The following MED23 variants were observed in gnomAD, a reference collection of about 807,000 sequenced individuals.
The protein encoded by MED23 is mediator complex subunit 23.
Under a neutral mutation model 163.9 loss-of-function variants are expected in MED23, and 105 were observed. That is an observed-to-expected ratio of 0.64 (90% CI 0.55 to 0.75). MED23 has a LOEUF of 0.75. Ranked by LOEUF, MED23 falls within the 30% of genes least tolerant of loss-of-function variation. The pLI is 0.00. For missense variants in MED23, 1,054 were observed against 1,649.0 expected (o/e 0.64, Z 6.25); for synonymous variants, 561 against 565.6 (o/e 0.99, Z 0.12).
At chr6:131,596,400 C>A in intron 21 of MED23, 118 bp downstream of exon 21, 1 of 1,216,104 alleles carries the variant, frequency 8.2e-7, no homozygotes, top group East Asian at 2.4e-5. Flanking sequence ...AGCTAACTTA[C>A]TTCTATATAG....
intron 5 of MED23, among the ~76,000 whole-genome samples, chr6:131,623,064 G>A (rs1777225851): frequency 6.6e-6 from 1 of 152,138 alleles, no homozygotes; most frequent in African/African-American, 2.4e-5. Context: ...TTCATTTGAA[G>A]GGATCATAAT....
chr6:131,618,854 G>A (rs1776882981), intron 8 of MED23, among the ~76,000 whole-genome samples: 1 of 152,234 alleles, frequency 6.6e-6, no homozygotes, highest in African/African-American at 2.4e-5. Flanking sequence ...GCAGTCCAAT[G>A]GCAGAGCTGA....
intron 5 of MED23, 51 bp from the exon 6 acceptor site, chr6:131,622,030 T>C (rs767009251): frequency 3.2e-5 from 43 of 1,345,908 alleles, no homozygotes; most frequent in South Asian, 1.2e-5. Context: ...TCTACTGTGT[T>C]AGCTAAAACG....
intron 3 of MED23, among the ~76,000 whole-genome samples, chr6:131,626,202 G>C (rs929872076): frequency 2.6e-5 from 4 of 151,482 alleles, no homozygotes; most frequent in African/African-American, 9.7e-5. Context: ...AACCCTTATG[G>C]AAAATTTAAT....
chr6:131,625,076 T>C, intron 3 of MED23, 87 bp from the exon 4 acceptor site: 1 of 1,390,986 alleles, frequency 7.2e-7, no homozygotes, highest in East Asian at 2.3e-5. Context: ...AGTATACCAA[T>C]ACTATGAAAG....
At position 131,586,915 on chromosome 6, in the gene MED23, A is replaced by G. The variant is rs1774219243; in HGVS notation, c.*764T>C. ...ATTATAAAAATTGAAGAATTACATC[A>G]TCTGTCAGGTGAGAGTGTCAACCTG... On this transcript the variant is annotated 3_prime_UTR_variant, in exon 29 of 29. Coordinates refer to ENST00000368068, the MANE Select transcript of MED23 (RefSeq NM_004830.4). 1 of 1,455,882 alleles carries G rather than the reference A, an allele frequency of 6.9e-7. No individual in the cohort carries two copies. Among genetic ancestry groups the G allele is most frequent in the East Asian group, 2.5e-5 (1 of 39,802 alleles). The allele number at this position is 1,455,882 out of a possible 1,614,324, so 90.2% of individuals were successfully genotyped here. A position where few individuals can be genotyped will look rare whatever the true frequency, so the allele number is the denominator to read the frequency against.
At chr6:131,621,853 T>C (rs928241640) in intron 6 of MED23, 28 bp downstream of exon 6, 2 of 1,518,856 alleles carry the variant, frequency 1.3e-6, no homozygotes, top group Non-Finnish European at 1.8e-6. Flanking sequence ...GAGGTTATGA[T>C]CACGAATTTC....
chr6:131,603,284 A>G (rs1775617293), intron 15 of MED23, 80 bp from the exon 16 acceptor site: 1 of 1,342,642 alleles, frequency 7.4e-7, no homozygotes, highest in Non-Finnish European at 1.1e-6. Context: ...CACATTGAGT[A>G]AAATATAAAG....
chr6:131,607,576 T>C (rs891278772), intron 12 of MED23, among the ~76,000 whole-genome samples: 34 of 152,014 alleles, frequency 2.2e-4, no homozygotes, highest in African/African-American at 7.5e-4. Context: ...CAATTCATGA[T>C]AAAGTACTTC....
intron 8 of MED23, among the ~76,000 whole-genome samples, chr6:131,619,213 T>C (rs1776907121): frequency 6.6e-6 from 1 of 152,220 alleles, no homozygotes; most frequent in East Asian, 1.9e-4. Flanking sequence ...TAGATTGTAT[T>C]TGTATTTTCA....
intron 24 of MED23, 181 bp downstream of exon 24, chr6:131,592,825 T>C: frequency 1.4e-6 from 1 of 715,432 alleles, no homozygotes; most frequent in Non-Finnish European, 2.3e-6. Flanking sequence ...GATCTTAGGA[T>C]CCTGTCCAGG....
At chr6:131,623,265 A>G (rs1777239779) in intron 5 of MED23, 86 bp downstream of exon 5, 4 of 1,069,412 alleles carry the variant, frequency 3.7e-6, no homozygotes, top group Non-Finnish European at 5.8e-6. Flanking sequence ...CTTCCACATC[A>G]TTTCTCTCAC....
intron 20 of MED23, among the ~76,000 whole-genome samples, chr6:131,597,600 C>T (rs1585483849): frequency 2.0e-5 from 3 of 151,708 alleles, no homozygotes; most frequent in South Asian, 2.1e-4. Flanking sequence ...TATATTCGCA[C>T]TCTGTAAAGA....
intron 12 of MED23, 31 bp downstream of exon 12, chr6:131,607,897 T>G (rs898587072): frequency 6.2e-7 from 1 of 1,609,974 alleles, no homozygotes; most frequent in Non-Finnish European, 8.5e-7. Context: ...ACTCATCATG[T>G]TGTTATGAAT....
At position 131,574,995 on chromosome 6, in the gene MED23, C is replaced by G. The variant is rs996087918; in HGVS notation, c.4096-700G>C. Among the ~76,000 whole-genome samples the G allele has an allele frequency of 5.8e-4, 89 of 152,148 alleles. 3 individuals are homozygous for G. On this transcript the variant is annotated intron_variant, in intron 30 of 30. Transcript: ENST00000354577. ...ATTCAACTCCAAAGGCGACCTTATACTTGTGGCCATTTAGGGATTGGGCCC... is the reference window on the plus strand; with the variant it reads ...ATTCAACTCCAAAGGCGACCTTATAGTTGTGGCCATTTAGGGATTGGGCCC...
At chr6:131,574,762 A>G (rs1176032809) in intron 30 of MED23, among the ~76,000 whole-genome samples, 1 of 152,228 alleles carries the variant, frequency 6.6e-6, no homozygotes, top group Non-Finnish European at 1.5e-5. Context: ...AAAGGGCTTC[A>G]TCCCTGTCTC....
At chr6:131,583,798 G>A (rs1774063642), downstream of MED23, 3 of 1,613,984 alleles carry the variant, frequency 1.9e-6, no homozygotes, top group South Asian at 3.3e-5. Context: ...GAAGACACCA[G>A]AAGAAGTAAC....
chr6:131,588,985 G>A (rs1018894617), intron 28 of MED23, among the ~76,000 whole-genome samples: 1 of 152,132 alleles, frequency 6.6e-6, no homozygotes. Flanking sequence ...TTCAGGATAA[G>A]CATTCCCATA....
intron 27 of MED23, 133 bp downstream of exon 27, chr6:131,590,189 T>C: frequency 6.4e-6 from 5 of 782,890 alleles, no homozygotes; most frequent in South Asian, 6.2e-5. Context: ...TCCTCTAAAA[T>C]TGCTCTTGGA....
Sources: gnomAD v4.1 joint callset for allele counts (sites outside exome capture counted in the v4.1 genomes callset) on GRCh38, gnomAD v4.1.1 for gene constraint, MANE v1.5 for transcripts, NCBI Gene and HGNC (gene_info 2026-07-23, HGNC 2026-07-21) for gene names.